The following LIN52 variants were observed in gnomAD, a reference collection of about 807,000 sequenced individuals.
The protein encoded by LIN52 is lin-52 DREAM MuvB core complex component, also known as protein lin-52 homolog.
Under a neutral mutation model 18.5 loss-of-function variants are expected in LIN52, and 4 were observed. The observed-to-expected ratio is 0.22, with a 90% CI of 0.11 to 0.49. The LOEUF is 0.49. Among genes scored for constraint, LIN52 ranks in the 20% least tolerant of loss-of-function variants. LIN52 has a pLI of 0.97. For synonymous variants in LIN52, 34 were observed against 45.5 expected, an observed-to-expected ratio of 0.75 and a Z score of 1.02; for missense variants, 102 against 139.5, an observed-to-expected ratio of 0.73 and a Z score of 1.35.
rs1281397821 is a variant in LIN52 at position 74,084,972 on chromosome 14, A to C, written c.-3A>C. 2.8e-6 allele frequency: 4 copies of C among 1,445,656 alleles called. No individual in the cohort carries two copies. The allele number at this position is 1,445,656 out of a possible 1,614,324, so 89.6% of individuals were successfully genotyped here. On this transcript the variant is annotated 5_prime_UTR_variant, in exon 1 of 6. Coordinates refer to ENST00000555028, the MANE Select transcript of LIN52 (RefSeq NM_001024674.3). ...GGCCACGTCACGTGACATGGGTTGG[A>C]AGATGGCGTCTCCCACAGACGGTAA... is the stretch of plus-strand genomic sequence containing the variant.
chr14:74,091,522 A>G (rs1468176751), intron 2 of LIN52, among the ~76,000 whole-genome samples: 1 of 152,028 alleles, frequency 6.6e-6, no homozygotes, highest in Non-Finnish European at 1.5e-5. Context: ...TAATCCCAGC[A>G]CTTTGGGAGG....
At chr14:74,119,920 CT>C (rs1441403302) in intron 5 of LIN52, among the ~76,000 whole-genome samples, 1 of 151,154 alleles carries the variant, frequency 6.6e-6, no homozygotes, top group African/African-American at 2.4e-5. Context: ...ACTGCAATGT[CT>C]ACCTCCTGGG....
chr14:74,149,134 G>A (rs1212588965), intron 5 of LIN52, among the ~76,000 whole-genome samples: 1 of 152,172 alleles, frequency 6.6e-6, no homozygotes, highest in African/African-American at 2.4e-5. Context: ...TGAAGTAGTT[G>A]GTTACTATTG....
At chr14:74,092,960 T>G (rs1414021068) in intron 2 of LIN52, among the ~76,000 whole-genome samples, 1 of 151,886 alleles carries the variant, frequency 6.6e-6, no homozygotes, top group Non-Finnish European at 1.5e-5. Context: ...TTTGTGTATT[T>G]ATTTATTTGA....
At chr14:74,148,744 A>G (rs1433772573) in intron 5 of LIN52, among the ~76,000 whole-genome samples, 1 of 152,154 alleles carries the variant, frequency 6.6e-6, no homozygotes, top group Non-Finnish European at 1.5e-5. Flanking sequence ...TTAGACAGAA[A>G]AAAAAAATTG....
At position 74,085,000 on chromosome 14, in the gene LIN52, G is replaced by C. The variant is rs767926608; in HGVS notation, c.19+7G>C. The C allele has an allele frequency of 7.1e-7, 1 of 1,403,710 alleles. No homozygotes were observed. Among genetic ancestry groups the C allele is most frequent in the South Asian group, 1.8e-5 (1 of 56,116 alleles). 87.0% of individuals were successfully genotyped at this position (1,403,710 alleles called of 1,614,324 possible). ...ATGGCGTCTCCCACAGACGGTAAGA[G>C]CCGGCTTAGAGATCTTTGCCTGCAG... On this transcript the variant is annotated splice_region_variant and intron_variant, in intron 1 of 5. Transcript: ENST00000555028.
chr14:74,144,515 G>GAA (rs1384040530), intron 5 of LIN52, among the ~76,000 whole-genome samples: 21 of 152,248 alleles, frequency 1.4e-4, no homozygotes, highest in Admixed American at 8.5e-4. Context: ...CTCAACATCT[G>GAA]AGAGATTGTC....
intron 5 of LIN52, among the ~76,000 whole-genome samples, chr14:74,149,836 C>A (rs1007419885): frequency 6.6e-6 from 1 of 152,088 alleles, no homozygotes; most frequent in East Asian, 1.9e-4. Flanking sequence ...GATACAGACT[C>A]TTCTGTTTGC....
chr14:74,175,748 A>ACACACACACACACACACC lies in LIN52; in HGVS notation c.284-23171_284-23170insACACACACACACACCCAC, dbSNP rs796441764. ...CACACACACACACACACACACACACACACCCCCATTATACAGCTATACCAA... is the reference window on the plus strand; with the variant it reads ...CACACACACACACACACACACACACACACACACACACACACACCCACCCCCATTATACAGCTATACCAA... On this transcript the variant is annotated intron_variant, in intron 5 of 5. Coordinates refer to ENST00000555028, the MANE Select transcript of LIN52 (RefSeq NM_001024674.3). Among the ~76,000 whole-genome samples, 177 of 98,818 alleles carry ACACACACACACACACACC rather than the reference A, an allele frequency of 1.8e-3. 1 individual carries two copies. Among genetic ancestry groups the ACACACACACACACACACC allele is most frequent in the African/African-American group, 3.9e-3 (113 of 28,780 alleles). The allele number at this position is 98,818 out of a possible 152,430, so 64.8% of individuals were successfully genotyped here.
At chr14:74,138,683 T>G (rs1308313123) in intron 5 of LIN52, among the ~76,000 whole-genome samples, 1 of 149,468 alleles carries the variant, frequency 6.7e-6, no homozygotes, top group Non-Finnish European at 1.5e-5. Flanking sequence ...AGTCCAAGAG[T>G]GAGGCTGCAG....
intron 5 of LIN52, among the ~76,000 whole-genome samples, chr14:74,125,788 A>G (rs546827562): frequency 6.6e-6 from 1 of 151,270 alleles, no homozygotes; most frequent in African/African-American, 2.4e-5. Flanking sequence ...TATCACAAGG[A>G]TAAAAAACCA....
At position 74,196,755 on chromosome 14, in the gene LIN52, C is replaced by T. The variant is rs80314826; in HGVS notation, c.284-2167C>T. Among the ~76,000 whole-genome samples, 1,505 of 152,218 alleles carry T rather than the reference C, an allele frequency of 9.9e-3. 27 individuals are homozygous for T. Among genetic ancestry groups the T allele is most frequent in the African/African-American group, 0.034 (1,408 of 41,522 alleles). ...ATACTAAGTGCGAGAGAACTTACCC[C>T]CCTCTGGAAAGTGTTGTGTTAATGA... On this transcript the variant is annotated intron_variant, in intron 5 of 5. Transcript: ENST00000555028.
intron 1 of LIN52, chr14:74,085,235 T>C (rs191095903): frequency 3.6e-4 from 136 of 382,862 alleles, no homozygotes; most frequent in Middle Eastern, 2.6e-3. Context: ...GAGGGACTCA[T>C]TCTGGGTAAA....
chr14:74,100,799 A>C (rs1034898673), intron 4 of LIN52, among the ~76,000 whole-genome samples: 10 of 152,146 alleles, frequency 6.6e-5, no homozygotes, highest in Admixed American at 6.5e-4. Context: ...ATTTTTATAC[A>C]GGTGAGGTAT....
chr14:74,137,646 C>T (rs887022719), intron 5 of LIN52, among the ~76,000 whole-genome samples: 1 of 151,634 alleles, frequency 6.6e-6, no homozygotes, highest in Non-Finnish European at 1.5e-5. Flanking sequence ...TTACAGGCCA[C>T]GCACCACCAT....
intron 5 of LIN52, among the ~76,000 whole-genome samples, chr14:74,111,652 T>TTTATTTG: frequency 1.5e-5 from 2 of 129,182 alleles, no homozygotes; most frequent in Admixed American, 1.5e-4. Context: ...TTATTTATTT[T>TTTATTTG]TGTGGGCTGA....
At chr14:74,185,440 G>A (rs551665439) in intron 5 of LIN52, among the ~76,000 whole-genome samples, 7 of 143,362 alleles carry the variant, frequency 4.9e-5, no homozygotes, top group Admixed American at 1.5e-4. Flanking sequence ...TCAGCCTCCC[G>A]GTTAGCTGGG....
At chr14:74,160,788 T>G (rs1166202770) in intron 5 of LIN52, among the ~76,000 whole-genome samples, 1 of 152,216 alleles carries the variant, frequency 6.6e-6, no homozygotes, top group East Asian at 1.9e-4. Context: ...TAAGGCAGTT[T>G]ATAATCACTC....
intron 5 of LIN52, among the ~76,000 whole-genome samples, chr14:74,179,367 C>A (rs908774383): frequency 6.6e-6 from 1 of 152,032 alleles, no homozygotes; most frequent in Non-Finnish European, 1.5e-5. Context: ...GGTAAAAATT[C>A]TAATTCTTTG....
Sources: gnomAD v4.1 joint callset for allele counts (sites outside exome capture counted in the v4.1 genomes callset) on GRCh38, gnomAD v4.1.1 for gene constraint, MANE v1.5 for transcripts, NCBI Gene and HGNC (gene_info 2026-07-23, HGNC 2026-07-21) for gene names.